CDIN1: variants seen among roughly 807,000 people sequenced by gnomAD.
The protein encoded by CDIN1 is CDAN1-interacting nuclease 1.
Under a neutral mutation model 45.3 loss-of-function variants are expected in CDIN1, and 33 were observed. That is an observed-to-expected ratio of 0.73 (90% CI 0.55 to 0.97). The LOEUF is 0.97. CDIN1 is among the 50% of genes least tolerant of loss of function. The probability of loss-of-function intolerance (pLI) is 0.00; values close to 1 mark genes in which losing one functional copy is unlikely to be tolerated. For synonymous variants in CDIN1, 118 were observed against 124.4 expected (o/e 0.95, Z 0.34); for missense variants, 303 against 339.4 (o/e 0.89, Z 0.84).
At chr15:36,748,558 A>G (rs2044529295) in intron 10 of CDIN1, among the ~76,000 whole-genome samples, 1 of 151,992 alleles carries the variant, frequency 6.6e-6, no homozygotes, top group African/African-American at 2.4e-5. Context: ...TGTTTTTGGA[A>G]CCACATAGTG....
intron 10 of CDIN1, among the ~76,000 whole-genome samples, chr15:36,746,409 T>A (rs912407929): frequency 6.6e-6 from 1 of 152,162 alleles, no homozygotes; most frequent in African/African-American, 2.4e-5. Context: ...ACATGTATTG[T>A]CCTCTTCTGT....
intron 8 of CDIN1, among the ~76,000 whole-genome samples, chr15:36,698,276 G>C (rs2042508625): frequency 6.6e-6 from 1 of 152,154 alleles, no homozygotes; most frequent in South Asian, 2.1e-4. Flanking sequence ...AAATCTTAAT[G>C]TTCAATGTTT....
intron 3 of CDIN1, among the ~76,000 whole-genome samples, chr15:36,652,312 G>A (rs897719839): frequency 7.9e-5 from 12 of 152,162 alleles, no homozygotes; most frequent in South Asian, 2.1e-4. Flanking sequence ...GACACATAGC[G>A]CTCCAAAATA....
intron 5 of CDIN1, among the ~76,000 whole-genome samples, chr15:36,680,329 T>C (rs1227847529): frequency 1.3e-5 from 2 of 152,152 alleles, no homozygotes; most frequent in African/African-American, 4.8e-5. Flanking sequence ...GTTTTATAAC[T>C]CTGGCTCCAA....
At chr15:36,618,588 T>C in intron 1 of CDIN1, 2 of 854,426 alleles carry the variant, frequency 2.3e-6, no homozygotes, top group Non-Finnish European at 4.1e-6. Context: ...TTTTGGAGAA[T>C]AGGATGTCTG....
chr15:36,804,091 G>GT (rs2055140769), intron 10 of CDIN1, among the ~76,000 whole-genome samples: 2 of 151,744 alleles, frequency 1.3e-5, no homozygotes, highest in Admixed American at 6.6e-5. Context: ...CTATGCCTTG[G>GT]TTTTTTTACT....
intron 1 of CDIN1, among the ~76,000 whole-genome samples, chr15:36,631,197 T>A (rs79566251): frequency 7.9e-5 from 12 of 152,108 alleles, no homozygotes; most frequent in Non-Finnish European, 2.9e-5. Context: ...ATGGAAAAAA[T>A]GGAAGTCATA....
intron 1 of CDIN1, among the ~76,000 whole-genome samples, chr15:36,628,471 T>G (rs2039543806): frequency 6.6e-6 from 1 of 152,214 alleles, no homozygotes; most frequent in African/African-American, 2.4e-5. Flanking sequence ...CCAATATAGA[T>G]GAAGCTGCTA....
At chr15:36,680,078 T>C (rs1188010831) in intron 5 of CDIN1, among the ~76,000 whole-genome samples, 1 of 152,238 alleles carries the variant, frequency 6.6e-6, no homozygotes, top group Non-Finnish European at 1.5e-5. Flanking sequence ...GCTTGATGAT[T>C]AGCACAGTGC....
chr15:36,654,102 C>T lies in CDIN1; in HGVS notation c.217C>T (p.Leu73=). ...EAIESYYQRY[L]NGVVKNGAAP... The stretch of plus-strand genomic sequence containing the variant: ...ACTTGGCTTTGTCTTGTCTAGGTAC[C>T]TGAATGGAGTGGTGAAAAATGGAGC... Residue 73 remains leucine (L), a synonymous_variant, in exon 4 of 11, where the codon CTG becomes TTG. Transcript: ENST00000566621. The T allele has an allele frequency of 6.3e-7, 1 of 1,575,888 alleles. No individual in the cohort carries two copies. Among genetic ancestry groups the T allele is most frequent in the Non-Finnish European group, 8.6e-7 (1 of 1,158,442 alleles).
At position 36,810,058 on chromosome 15, in the gene CDIN1, C is replaced by T. The variant is rs1375151061; in HGVS notation, c.*1605C>T. 1 of 151,990 alleles carries T rather than the reference C, an allele frequency of 6.6e-6. No individual in the cohort carries two copies. Among genetic ancestry groups the T allele is most frequent in the Non-Finnish European group, 1.5e-5 (1 of 67,962 alleles). 9.4% of individuals were successfully genotyped at this position (151,990 alleles called of 1,614,324 possible). ...GGATACACACACACACACACACACA[C>T]ACTTTATACAAAAATGTTAAAAGCA... On this transcript the variant is annotated 3_prime_UTR_variant, in exon 11 of 11. Coordinates refer to ENST00000566621, the MANE Select transcript of CDIN1 (RefSeq NM_001321759.2).
At chr15:36,663,309 G>A (rs1335711196) in intron 5 of CDIN1, among the ~76,000 whole-genome samples, 2 of 152,176 alleles carry the variant, frequency 1.3e-5, no homozygotes, top group East Asian at 3.9e-4. Flanking sequence ...GTTCTGAATA[G>A]CAGAGTGACT....
intron 6 of CDIN1, 21 bp from the exon 7 acceptor site, chr15:36,692,105 C>T (rs1019076924): frequency 1.9e-6 from 3 of 1,612,896 alleles, no homozygotes; most frequent in Non-Finnish European, 2.5e-6. Context: ...ACCCCAGACC[C>T]CTTTTCTTAT....
At chr15:36,591,334 G>C (rs1299619226) in intron 1 of CDIN1, among the ~76,000 whole-genome samples, 1 of 152,152 alleles carries the variant, frequency 6.6e-6, no homozygotes, top group Non-Finnish European at 1.5e-5. Flanking sequence ...TATTGGTAGG[G>C]AAAGCTAATA....
At chr15:36,781,126 C>T (rs1451031959) in intron 10 of CDIN1, among the ~76,000 whole-genome samples, 1 of 152,014 alleles carries the variant, frequency 6.6e-6, no homozygotes, top group East Asian at 1.9e-4. Context: ...AATTTAGCAC[C>T]ATAGATGGTA....
intron 1 of CDIN1, among the ~76,000 whole-genome samples, chr15:36,581,372 A>G (rs1236213279): frequency 6.6e-6 from 1 of 152,152 alleles, no homozygotes; most frequent in Non-Finnish European, 1.5e-5. Flanking sequence ...CTTCTCTATA[A>G]TAAGTAAGTG....
In CDIN1 at chr15:36,742,055, A is replaced by G. The variant is rs148091869; in HGVS notation, c.716+32094A>G. ...ATAAGCCAGGAAAAGTTCCTTTGTG[A>G]ACTGAAAATAAAAGCGTAGATGAAA... is the stretch of plus-strand genomic sequence containing the variant. On this transcript the variant is annotated intron_variant, in intron 10 of 10. Coordinates refer to ENST00000566621, the MANE Select transcript of CDIN1 (RefSeq NM_001321759.2). 5.3e-5 allele frequency among the ~76,000 whole-genome samples: 8 copies of G among 152,320 alleles called. No homozygotes were observed. In the East Asian group the frequency reaches 1.5e-3, roughly 29 times the overall value.
intron 10 of CDIN1, among the ~76,000 whole-genome samples, chr15:36,762,092 A>T (rs2053781605): frequency 2.0e-5 from 3 of 152,154 alleles, no homozygotes; most frequent in Non-Finnish European, 4.4e-5. Flanking sequence ...AGAGTAAATT[A>T]AAAATGTTCA....
intron 1 of CDIN1, among the ~76,000 whole-genome samples, chr15:36,608,168 C>T (rs2038470379): frequency 6.6e-6 from 1 of 151,976 alleles, no homozygotes; most frequent in Non-Finnish European, 1.5e-5. Context: ...TTGTGTTGGC[C>T]TATGTTTTTG....
Sources: gnomAD v4.1 joint callset for allele counts (sites outside exome capture counted in the v4.1 genomes callset) on GRCh38, gnomAD v4.1.1 for gene constraint, MANE v1.5 for transcripts, NCBI Gene and HGNC (gene_info 2026-07-23, HGNC 2026-07-21) for gene names.